The following ATP7A variants were observed in gnomAD, a reference collection of about 807,000 sequenced individuals.
ATP7A encodes copper-transporting ATPase 1.
ATP7A carries 7 observed loss-of-function variants against 83.5 expected under a neutral mutation model. The observed-to-expected ratio is 0.08, with a 90% CI of 0.05 to 0.16. The LOEUF is 0.16. ATP7A is among the 10% of genes least tolerant of loss of function. The pLI, the probability that ATP7A is intolerant of heterozygous loss-of-function variation, is 1.00. For synonymous variants in ATP7A, 354 were observed against 395.2 expected (o/e 0.90, Z 1.24); for missense variants, 940 against 1,120.8 (o/e 0.84, Z 2.30).
intron 9 of ATP7A, among the ~76,000 whole-genome samples, chrX:78,012,490 C>T (rs1603385567): frequency 9.2e-6 from 1 of 108,364 alleles, no homozygotes; most frequent in East Asian, 2.9e-4. Context: ...GGTGTGATGG[C>T]TCATGCCTAT....
Position 78,046,469 on chromosome X carries a change from C to T in ATP7A, c.4402C>T (p.Leu1468=). ...NYSRASINSL[L]SDKRSLNSVV... is the part of the protein sequence containing the mutation. ...TAGCAGAGCCTCTATAAACTCACTACTGTCTGATAAACGCTCCCTAAACAG... is the reference window on the plus strand; with the variant it reads ...TAGCAGAGCCTCTATAAACTCACTATTGTCTGATAAACGCTCCCTAAACAG... Residue 1468 remains leucine (L), a synonymous_variant, in exon 23 of 23, where the codon CTG becomes TTG. Transcript: ENST00000341514. 2 of 1,211,196 alleles carry T rather than the reference C, an allele frequency of 1.7e-6. No homozygotes were observed. Among genetic ancestry groups the T allele is most frequent in the Non-Finnish European group, 2.2e-6 (2 of 895,188 alleles).
intron 1 of ATP7A, among the ~76,000 whole-genome samples, chrX:77,915,922 T>C (rs1035702755): frequency 8.9e-6 from 1 of 111,763 alleles, no homozygotes; most frequent in African/African-American, 3.2e-5. Flanking sequence ...GGTTTCGCCA[T>C]GTTGGCCAGC....
intron 6 of ATP7A, among the ~76,000 whole-genome samples, chrX:78,007,943 C>T (rs1475133819): frequency 3.6e-5 from 4 of 112,150 alleles, no homozygotes; most frequent in Non-Finnish European, 7.5e-5. Flanking sequence ...TCCATTTATA[C>T]TCTTTTAGTT....
intron 15 of ATP7A, among the ~76,000 whole-genome samples, chrX:78,030,694 CTTT>C (rs781934660): frequency 1.0e-5 from 1 of 95,753 alleles, no homozygotes. Flanking sequence ...TTCTTTCTTT[CTTT>C]TTTTTTTTTT....
At chrX:78,025,269 A>T (rs1239457798) in intron 14 of ATP7A, among the ~76,000 whole-genome samples, 1 of 112,135 alleles carries the variant, frequency 8.9e-6, no homozygotes, top group Non-Finnish European at 1.9e-5. Flanking sequence ...ATGATAGCAA[A>T]TTCAAAAACA....
intron 1 of ATP7A, chrX:77,924,602 A>G (rs2077231760): frequency 8.9e-6 from 1 of 112,048 alleles, no homozygotes; most frequent in African/African-American, 3.2e-5. Flanking sequence ...GTACATTTCC[A>G]GTACATAATT....
At chrX:77,983,046 T>C (rs2077613207) in intron 2 of ATP7A, among the ~76,000 whole-genome samples, 1 of 111,777 alleles carries the variant, frequency 8.9e-6, no homozygotes, top group Non-Finnish European at 1.9e-5. Flanking sequence ...GGTAGCTCTC[T>C]GGGACCTCTT....
At chrX:78,022,430 A>G (rs1290208849) in intron 14 of ATP7A, among the ~76,000 whole-genome samples, 1 of 111,583 alleles carries the variant, frequency 9.0e-6, no homozygotes, top group Non-Finnish European at 1.9e-5. Context: ...CAAAGTAAAT[A>G]AAGTCTTACT....
intron 6 of ATP7A, among the ~76,000 whole-genome samples, chrX:78,004,464 G>T (rs1184429887): frequency 8.9e-6 from 1 of 112,555 alleles, no homozygotes; most frequent in Admixed American, 9.4e-5. Context: ...AAATTCAAAT[G>T]TAGGCTGGGT....
At chrX:77,983,211 G>T (rs1176559330) in intron 2 of ATP7A, among the ~76,000 whole-genome samples, 1 of 112,081 alleles carries the variant, frequency 8.9e-6, no homozygotes, top group African/African-American at 3.2e-5. Context: ...GAATACAGAA[G>T]AGAAAACATG....
In ATP7A at chrX:77,970,691, C is replaced by CA. The variant is rs2077541593; in HGVS notation, c.-21-926dup. 2.7e-5 allele frequency among the ~76,000 whole-genome samples: 3 copies of CA among 110,664 alleles called. No individual in the cohort carries two copies. In the South Asian group the frequency reaches 1.2e-3, roughly 43 times the overall value. On this transcript the variant is annotated intron_variant, in intron 1 of 22. Coordinates refer to ENST00000341514, the MANE Select transcript of ATP7A (RefSeq NM_000052.7). ...CAAAAACAAAAACAAAAACAAAAACCAAAACAACAACAACAACAAAAAACA... is the reference window on the plus strand; with the variant it reads ...CAAAAACAAAAACAAAAACAAAAACCAAAAACAACAACAACAACAAAAAACA...
rs782245210 is a variant in ATP7A at position 78,044,567 on chromosome X, T to G, written c.4124-903T>G. On this transcript the variant is annotated intron_variant, in intron 21 of 22. Transcript: ENST00000341514. Reference sequence around the variant, plus strand: ...TTTTTACTCTACATCAGTTTTTGTCTTGTTACATAGTTGTGATTGTAGCTT... The same window carrying G: ...TTTTTACTCTACATCAGTTTTTGTCGTGTTACATAGTTGTGATTGTAGCTT... 4.5e-5 allele frequency among the ~76,000 whole-genome samples: 5 copies of G among 111,987 alleles called. No homozygotes were observed. The East Asian group carries it at 1.4e-3, about 31-fold the overall frequency.
chrX:77,945,594 G>C (rs1190827572), intron 1 of ATP7A, among the ~76,000 whole-genome samples: 1 of 112,259 alleles, frequency 8.9e-6, no homozygotes, highest in East Asian at 2.8e-4. Flanking sequence ...TTATAGGCCA[G>C]AGTCCCTGTA....
intron 1 of ATP7A, 119 bp from the exon 2 acceptor site, chrX:77,971,502 T>G: frequency 1.3e-6 from 1 of 749,194 alleles, no homozygotes; most frequent in Admixed American, 2.5e-5. Context: ...TTTTAATTTT[T>G]TAAACATGAC....
chrX:77,950,741 C>A (rs1369313746), intron 1 of ATP7A, among the ~76,000 whole-genome samples: 1 of 110,774 alleles, frequency 9.0e-6, no homozygotes, highest in Admixed American at 9.7e-5. Flanking sequence ...AAAAAAATGT[C>A]GTCCAGGCGC....
intron 12 of ATP7A, among the ~76,000 whole-genome samples, chrX:78,016,422 C>T (rs1366813366): frequency 9.0e-6 from 1 of 110,876 alleles, no homozygotes; most frequent in Non-Finnish European, 1.9e-5. Flanking sequence ...ACCCTTGACC[C>T]CTCCCAAATG....
intron 1 of ATP7A, among the ~76,000 whole-genome samples, chrX:77,934,978 G>T (rs1557224932): frequency 2.8e-5 from 3 of 107,881 alleles, no homozygotes; most frequent in South Asian, 4.1e-4. Flanking sequence ...GCTTTTTTTT[G>T]TGTGTGTGTC....
chrX:77,933,659 T>G (rs2077302540), intron 1 of ATP7A, among the ~76,000 whole-genome samples: 1 of 112,238 alleles, frequency 8.9e-6, no homozygotes, highest in South Asian at 3.7e-4. Flanking sequence ...GAAGTTAATT[T>G]TATTAATATT....
At position 78,046,931 on chromosome X, in the gene ATP7A, G is replaced by T. The variant is rs1173966896; in HGVS notation, c.*361G>T. On this transcript the variant is annotated 3_prime_UTR_variant, in exon 23 of 23. Coordinates refer to ENST00000341514, the MANE Select transcript of ATP7A (RefSeq NM_000052.7). ...AGAAGAAGAAAATGAAAAATTTGAA[G>T]ATTTGAGAGCATGAAGATATTCATG... 1 of 177,481 alleles carries T rather than the reference G, an allele frequency of 5.6e-6. No homozygotes were observed. The highest frequency in any genetic ancestry group is 1.0e-5 in the Non-Finnish European group (1 of 98,056). 14.6% of individuals were successfully genotyped at this position (177,481 alleles called of 1,213,427 possible).
Sources: gnomAD v4.1 joint callset for allele counts (sites outside exome capture counted in the v4.1 genomes callset) on GRCh38, gnomAD v4.1.1 for gene constraint, MANE v1.5 for transcripts, NCBI Gene and HGNC (gene_info 2026-07-23, HGNC 2026-07-21) for gene names.